GTF2E2: variants seen among roughly 807,000 people sequenced by gnomAD.
The protein encoded by GTF2E2 is general transcription factor IIE subunit 2.
Under a neutral mutation model 40.5 loss-of-function variants are expected in GTF2E2, and 21 were observed. That is an observed-to-expected ratio of 0.52 (90% confidence interval 0.37 to 0.75). GTF2E2 has a LOEUF of 0.75. Ranked by LOEUF, GTF2E2 falls within the 30% of genes least tolerant of loss-of-function variation. The probability of loss-of-function intolerance (pLI) is 0.00; values close to 1 mark genes in which losing one functional copy is unlikely to be tolerated. For missense variants in GTF2E2, 298 were observed against 338.4 expected (o/e 0.88, Z 0.94); for synonymous variants, 117 against 121.6 (o/e 0.96, Z 0.25).
At chr8:30,626,889 T>A (rs1801293811) in intron 3 of GTF2E2, among the ~76,000 whole-genome samples, 1 of 152,184 alleles carries the variant, frequency 6.6e-6, no homozygotes, top group Non-Finnish European at 1.5e-5. Context: ...GAAATAGAAA[T>A]CACAGCTACT....
intron 3 of GTF2E2, among the ~76,000 whole-genome samples, chr8:30,616,007 T>C (rs1235290426): frequency 6.6e-6 from 1 of 152,072 alleles, no homozygotes; most frequent in Admixed American, 6.6e-5. Flanking sequence ...CGAAATGAGC[T>C]ATCAAGCTAT....
intron 3 of GTF2E2, among the ~76,000 whole-genome samples, chr8:30,627,038 G>C (rs910441158): frequency 3.3e-5 from 5 of 152,160 alleles, no homozygotes; most frequent in African/African-American, 1.2e-4. Context: ...ATAGTGGATA[G>C]AATCACACCA....
At chr8:30,632,652 G>A (rs1801474833) in intron 3 of GTF2E2, among the ~76,000 whole-genome samples, 1 of 152,072 alleles carries the variant, frequency 6.6e-6, no homozygotes, top group Non-Finnish European at 1.5e-5. Flanking sequence ...GGGAGGGAGG[G>A]GAACTGATAT....
chr8:30,589,839 A>G (rs1381298586), intron 6 of GTF2E2, among the ~76,000 whole-genome samples: 1 of 152,236 alleles, frequency 6.6e-6, no homozygotes, highest in Non-Finnish European at 1.5e-5. Flanking sequence ...GATAAACACC[A>G]GACACCAAAA....
intron 3 of GTF2E2, among the ~76,000 whole-genome samples, chr8:30,629,719 G>A (rs1023985870): frequency 2.7e-5 from 4 of 147,792 alleles, no homozygotes; most frequent in Non-Finnish European, 4.5e-5. Context: ...AGACTGTTGA[G>A]CTATACTCCC....
chr8:30,599,201 G>C (rs1207591451), intron 6 of GTF2E2, among the ~76,000 whole-genome samples: 2 of 152,098 alleles, frequency 1.3e-5, no homozygotes, highest in Non-Finnish European at 2.9e-5. Flanking sequence ...TCTATCTTTT[G>C]ATCCAGCAAT....
intron 3 of GTF2E2, among the ~76,000 whole-genome samples, chr8:30,627,245 TC>T (rs879769340): frequency 2.6e-5 from 4 of 152,166 alleles, no homozygotes; most frequent in Non-Finnish European, 5.9e-5. Context: ...ACTATATATG[TC>T]TTGTAAATTT....
intron 2 of GTF2E2, chr8:30,638,469 A>T (rs1022221440): frequency 6.6e-6 from 1 of 152,518 alleles, no homozygotes; most frequent in South Asian, 2.1e-4. Flanking sequence ...ATTCAAGTTT[A>T]TGAATGATTT....
chr8:30,611,974 G>A (rs1224119918), intron 5 of GTF2E2, among the ~76,000 whole-genome samples: 1 of 152,116 alleles, frequency 6.6e-6, no homozygotes, highest in Non-Finnish European at 1.5e-5. Flanking sequence ...ACATCTACTA[G>A]TATTATAGAA....
At chr8:30,612,526 A>AAT (rs752272061) in intron 4 of GTF2E2, 45 bp from the exon 5 acceptor site, 449 of 1,104,508 alleles carry the variant, frequency 4.1e-4, no homozygotes, top group Non-Finnish European at 4.8e-4. Context: ...ATGGAACATA[A>AAT]ATATATATAT....
At chr8:30,580,575 G>A (rs1485502808) in intron 6 of GTF2E2, among the ~76,000 whole-genome samples, 179 bp from the exon 7 acceptor site, 2 of 152,170 alleles carry the variant, frequency 1.3e-5, no homozygotes, top group African/African-American at 4.8e-5. Context: ...GAAAGGCCTG[G>A]AGACAGAACT....
intron 5 of GTF2E2, among the ~76,000 whole-genome samples, chr8:30,609,613 A>G (rs1585961103): frequency 6.6e-6 from 1 of 152,300 alleles, no homozygotes; most frequent in East Asian, 1.9e-4. Flanking sequence ...TCCCAATGGC[A>G]TTTTTTGCAG....
chr8:30,580,368 A>G lies in GTF2E2; in HGVS notation c.672T>C (p.Thr224=). The change falls in exon 7 of 8, where the codon ACT becomes ACC. Residue 224 remains threonine (T), a synonymous_variant. Transcript: ENST00000355904. ...EEFQKLWRSV[T]VDSMDEEKIE... ...TTTTCTCCTCGTCCATGGAATCTAC[A>G]GTGACACTCCTCCACAGTTTCTGAA... The G allele has an allele frequency of 3.8e-6, 6 of 1,594,936 alleles. No homozygotes were observed. The highest frequency in any genetic ancestry group is 5.2e-6 in the Non-Finnish European group (6 of 1,162,488).
intron 6 of GTF2E2, among the ~76,000 whole-genome samples, chr8:30,601,751 T>C (rs563370042): frequency 6.6e-6 from 1 of 152,336 alleles, no homozygotes; most frequent in East Asian, 1.9e-4. Context: ...GAATATACAA[T>C]GTATACTGTA....
At chr8:30,630,924 C>G (rs1264215938) in intron 3 of GTF2E2, among the ~76,000 whole-genome samples, 1 of 152,112 alleles carries the variant, frequency 6.6e-6, no homozygotes, top group Non-Finnish European at 1.5e-5. Context: ...CACCTCCATT[C>G]AGTATTGTCC....
intron 3 of GTF2E2, among the ~76,000 whole-genome samples, chr8:30,628,871 C>T (rs1056086736): frequency 2.7e-5 from 4 of 150,000 alleles, no homozygotes; most frequent in East Asian, 2.0e-4. Context: ...GCGGAGGTTA[C>T]GGTAAGCTGA....
intron 6 of GTF2E2, among the ~76,000 whole-genome samples, chr8:30,587,481 A>T (rs935548197): frequency 3.9e-5 from 6 of 152,082 alleles, no homozygotes; most frequent in African/African-American, 1.2e-4. Flanking sequence ...AAAAAAAAAA[A>T]AATAACCTGA....
At chr8:30,616,070 T>C (rs1800910321) in intron 3 of GTF2E2, among the ~76,000 whole-genome samples, 1 of 151,994 alleles carries the variant, frequency 6.6e-6, no homozygotes, top group African/African-American at 2.4e-5. Context: ...AAGAAGCCAA[T>C]CTGAAAAGGA....
intron 5 of GTF2E2, among the ~76,000 whole-genome samples, chr8:30,609,892 G>A (rs896661361): frequency 9.9e-5 from 15 of 152,126 alleles, no homozygotes; most frequent in East Asian, 1.9e-4. Flanking sequence ...CATGTAAGAT[G>A]AGCCTGTTTC....
Sources: gnomAD v4.1 joint callset for allele counts (sites outside exome capture counted in the v4.1 genomes callset) on GRCh38, gnomAD v4.1.1 for gene constraint, MANE v1.5 for transcripts, NCBI Gene and HGNC (gene_info 2026-07-23, HGNC 2026-07-21) for gene names.